Variants in LRRC3B observed in about 807,000 individuals in gnomAD.
LRRC3B encodes the protein leucine-rich repeat-containing protein 3B.
In LRRC3B, 2 loss-of-function variants were observed where a neutral mutation model predicts 12.8. The observed-to-expected ratio is 0.16, with a 90% CI of 0.06 to 0.49. The LOEUF is 0.49. Among genes scored for constraint, LRRC3B ranks in the 20% least tolerant of loss-of-function variants. The pLI, the probability that LRRC3B is intolerant of heterozygous loss-of-function variation, is 0.96. For synonymous variants in LRRC3B, 132 were observed against 122.0 expected (o/e 1.08, Z -0.54); for missense variants, 189 against 319.4 (o/e 0.59, Z 3.11).
intron 1 of LRRC3B, among the ~76,000 whole-genome samples, chr3:26,627,958 G>A (rs1698665477): frequency 6.6e-6 from 1 of 152,154 alleles, no homozygotes; most frequent in Admixed American, 6.5e-5. Flanking sequence ...AGGAACCACA[G>A]GAAGGGGAAT....
exon 2 of LRRC3B, chr3:26,710,346 T>A (rs1700720273): frequency 6.2e-7 from 1 of 1,613,930 alleles, no homozygotes. Flanking sequence ...GTATATTATG[T>A]GAGGCAAAAT....
intron 1 of LRRC3B, among the ~76,000 whole-genome samples, chr3:26,697,591 G>T (rs1700349938): frequency 6.6e-6 from 1 of 151,894 alleles, no homozygotes; most frequent in Non-Finnish European, 1.5e-5. Flanking sequence ...ACCATTTTTG[G>T]CTTATCATAA....
intron 1 of LRRC3B, among the ~76,000 whole-genome samples, chr3:26,678,027 G>A (rs1042294745): frequency 2.0e-5 from 3 of 151,940 alleles, no homozygotes; most frequent in Admixed American, 1.3e-4. Context: ...ATGTTGCCCA[G>A]GCTGGTCTCA....
At chr3:26,669,631 G>C (rs1195830750) in intron 1 of LRRC3B, among the ~76,000 whole-genome samples, 3 of 152,134 alleles carry the variant, frequency 2.0e-5, no homozygotes, top group South Asian at 2.1e-4. Context: ...TATTTGAAGA[G>C]AGCAAACCAA....
chr3:26,700,923 T>G (rs1320116297), intron 1 of LRRC3B, among the ~76,000 whole-genome samples: 1 of 152,146 alleles, frequency 6.6e-6, no homozygotes, highest in Non-Finnish European at 1.5e-5. Flanking sequence ...AGAATTGTGG[T>G]GAGGTGATAC....
chr3:26,685,609 G>A (rs1461778920), intron 1 of LRRC3B, among the ~76,000 whole-genome samples: 1 of 122,696 alleles, frequency 8.2e-6, no homozygotes, highest in Non-Finnish European at 1.5e-5. Flanking sequence ...ATATATATGT[G>A]TGTGTGTATA....
intron 1 of LRRC3B, among the ~76,000 whole-genome samples, chr3:26,701,880 TATATGGTA>T (rs1375280495): frequency 1.3e-5 from 2 of 152,152 alleles, no homozygotes; most frequent in African/African-American, 4.8e-5. Context: ...CAAAAAAAGT[TATATGGTA>T]ACTAACTTTT....
At chr3:26,685,517 CTCTCTCTATATATATATATA>C (rs1362524387) in intron 1 of LRRC3B, among the ~76,000 whole-genome samples, 277 of 53,506 alleles carry the variant, frequency 5.2e-3, no homozygotes, top group Non-Finnish European at 7.5e-3. Context: ...CTCTCTCTCT[CTCTCTCTATATATATATATA>C]TATATATATA....
intron 1 of LRRC3B, among the ~76,000 whole-genome samples, chr3:26,627,617 C>T (rs1427008698): frequency 2.0e-5 from 3 of 152,126 alleles, no homozygotes; most frequent in Non-Finnish European, 4.4e-5. Context: ...CTAAGAGCTG[C>T]TCCTCCTCTT....
chr3:26,708,167 G>T (rs896046182), intron 1 of LRRC3B, among the ~76,000 whole-genome samples: 1 of 152,162 alleles, frequency 6.6e-6, no homozygotes, highest in African/African-American at 2.4e-5. Context: ...GCAGAAAGTT[G>T]TTTGTTGTCC....
chr3:26,676,861 T>C (rs1699871100), intron 1 of LRRC3B, among the ~76,000 whole-genome samples: 4 of 152,156 alleles, frequency 2.6e-5, no homozygotes, highest in Admixed American at 2.6e-4. Context: ...ATTTTTAAAT[T>C]TGCACATCCA....
intron 1 of LRRC3B, among the ~76,000 whole-genome samples, chr3:26,706,225 T>C (rs1305382458): frequency 6.6e-6 from 1 of 152,000 alleles, no homozygotes; most frequent in Non-Finnish European, 1.5e-5. Context: ...CCTAATCACT[T>C]CTCAAAGGCC....
intron 1 of LRRC3B, among the ~76,000 whole-genome samples, chr3:26,691,726 T>C (rs1700198238): frequency 1.3e-5 from 2 of 152,214 alleles, no homozygotes; most frequent in Admixed American, 1.3e-4. Flanking sequence ...ACTCTCTTGA[T>C]AGCCTACTCT....
At chr3:26,638,109 T>C (rs1356758034) in intron 1 of LRRC3B, among the ~76,000 whole-genome samples, 1 of 152,196 alleles carries the variant, frequency 6.6e-6, no homozygotes, top group Non-Finnish European at 1.5e-5. Flanking sequence ...GCATTGTAGA[T>C]GTCTAAATAT....
intron 1 of LRRC3B, among the ~76,000 whole-genome samples, chr3:26,667,113 T>A (rs1699621725): frequency 8.5e-6 from 1 of 118,020 alleles, no homozygotes; most frequent in South Asian, 2.8e-4. Context: ...AAAGTCTCAC[T>A]TTCAAGAAAA....
At chr3:26,698,178 C>T (rs1182153049) in intron 1 of LRRC3B, among the ~76,000 whole-genome samples, 1 of 152,120 alleles carries the variant, frequency 6.6e-6, no homozygotes, top group Non-Finnish European at 1.5e-5. Context: ...GTAACTCTGA[C>T]TGAGAGTTTA....
At chr3:26,643,752 T>C (rs962084926) in intron 1 of LRRC3B, among the ~76,000 whole-genome samples, 1 of 152,208 alleles carries the variant, frequency 6.6e-6, no homozygotes, top group Non-Finnish European at 1.5e-5. Context: ...TGAATGAGGA[T>C]GCAGTGAGTC....
chr3:26,625,110 A>G (rs1698595352), intron 1 of LRRC3B: 1 of 152,330 alleles, frequency 6.6e-6, no homozygotes, highest in South Asian at 2.1e-4. Context: ...GGAACCCTGT[A>G]CAACCTTTAG....
chr3:26,686,731 T>C (rs1424660903), intron 1 of LRRC3B, among the ~76,000 whole-genome samples: 1 of 152,216 alleles, frequency 6.6e-6, no homozygotes, highest in Non-Finnish European at 1.5e-5. Context: ...AAGAGGTTTA[T>C]TAAGGAGTAC....
Sources: allele counts gnomAD v4.1 joint callset (sites outside exome capture counted in the v4.1 genomes callset), GRCh38; gene constraint gnomAD v4.1.1; transcripts MANE v1.5; gene names NCBI Gene and HGNC (gene_info 2026-07-23, HGNC 2026-07-21).